The following TGM4 variants were observed in gnomAD, a reference collection of about 807,000 sequenced individuals.
TGM4 encodes the protein protein-glutamine gamma-glutamyltransferase 4.
Under a neutral mutation model 76.3 loss-of-function variants are expected in TGM4, and 61 were observed. That is an observed-to-expected ratio of 0.80 (90% CI 0.65 to 0.99). The LOEUF (loss-of-function observed/expected upper bound fraction) is 0.99, where lower values mean the gene tolerates loss of function less well. TGM4 is among the 50% of genes least tolerant of loss of function. The probability of loss-of-function intolerance (pLI) is 0.00; values close to 1 mark genes in which losing one functional copy is unlikely to be tolerated. For synonymous variants in TGM4, 337 were observed against 329.8 expected (o/e 1.02, Z -0.24); for missense variants, 794 against 843.2 (o/e 0.94, Z 0.72).
chr3:44,893,933 C>CGGCTCTCTCCCACCCTCCAT, intron 5 of TGM4, among the ~76,000 whole-genome samples: 1 of 91,936 alleles, frequency 1.1e-5, no homozygotes, highest in Non-Finnish European at 2.3e-5. Flanking sequence ...ATCCACCCCA[C>CGGCTCTCTCCCACCCTCCAT]GGCTCTCTCC....
At chr3:44,895,782 C>T (rs754588985) in intron 5 of TGM4, among the ~76,000 whole-genome samples, 1 of 152,186 alleles carries the variant, frequency 6.6e-6, no homozygotes, top group African/African-American at 2.4e-5. Context: ...ACATGTACTT[C>T]AACTCTGTAA....
rs761864216 is a variant in TGM4 at position 44,887,719 on chromosome 3, T to C, written c.224T>C (p.Leu75Pro). 5.0e-6 allele frequency: 8 copies of C among 1,614,010 alleles called. No homozygotes were observed. The highest frequency in any genetic ancestry group is 1.7e-5 in the Admixed American group (1 of 60,006). ...AATCCTAGCATCGCCAAACACACCCTGGTGGTGCTCGACCCGAGGACGCCC... is the reference window on the plus strand; with the variant it reads ...AATCCTAGCATCGCCAAACACACCCCGGTGGTGCTCGACCCGAGGACGCCC... ...GPNPSIAKHTLVVLDPRTPSD... is the reference protein window; with the variant it reads ...GPNPSIAKHTPVVLDPRTPSD... Residue 75 changes from leucine to proline, a missense_variant, in exon 3 of 14, where the codon CTG becomes CCG. Leu to Pro is a moderately conservative substitution (Grantham distance 98). Transcript: ENST00000296125.
chr3:44,901,425 A>T, intron 6 of TGM4, 99 bp from the exon 7 acceptor site: 1 of 1,377,522 alleles, frequency 7.3e-7, no homozygotes, highest in Non-Finnish European at 9.8e-7. Flanking sequence ...CTGAGACATT[A>T]TGAGGTGTCC....
chr3:44,879,048 T>C (rs1417686150), intron 1 of TGM4, among the ~76,000 whole-genome samples: 1 of 152,096 alleles, frequency 6.6e-6, no homozygotes, highest in Non-Finnish European at 1.5e-5. Flanking sequence ...AGTTCACTGA[T>C]TCTCTTTCAG....
intron 1 of TGM4, among the ~76,000 whole-genome samples, chr3:44,883,964 T>A (rs1006774429): frequency 1.3e-5 from 2 of 152,182 alleles, no homozygotes; most frequent in African/African-American, 4.8e-5. Flanking sequence ...CACCTCACTT[T>A]ACCTCACAGG....
chr3:44,906,619 A>G (rs1177300150), intron 9 of TGM4, among the ~76,000 whole-genome samples: 1 of 152,176 alleles, frequency 6.6e-6, no homozygotes, highest in African/African-American at 2.4e-5. Flanking sequence ...GCACAAGGTC[A>G]CATAGCTCCA....
chr3:44,905,253 C>T (rs372646360), intron 9 of TGM4, among the ~76,000 whole-genome samples: 14 of 151,398 alleles, frequency 9.2e-5, no homozygotes, highest in Middle Eastern at 3.5e-3. Flanking sequence ...CCCAAAGTGC[C>T]GGGATTACAG....
intron 9 of TGM4, among the ~76,000 whole-genome samples, chr3:44,906,132 C>G (rs145334880): frequency 6.6e-6 from 1 of 152,338 alleles, no homozygotes; most frequent in Non-Finnish European, 1.5e-5. Flanking sequence ...GAGACCAGTT[C>G]TCCTGAGTCC....
At chr3:44,906,037 T>C (rs1699917773) in intron 9 of TGM4, among the ~76,000 whole-genome samples, 1 of 152,196 alleles carries the variant, frequency 6.6e-6, no homozygotes, top group African/African-American at 2.4e-5. Flanking sequence ...CCTAACCTGC[T>C]CACCTTATAG....
At chr3:44,913,516 C>T in intron 13 of TGM4, 68 bp from the exon 14 acceptor site, 1 of 1,555,026 alleles carries the variant, frequency 6.4e-7, no homozygotes, top group Non-Finnish European at 8.7e-7. Context: ...TCTCACCCAA[C>T]TCATCTTCTC....
intron 13 of TGM4, 123 bp downstream of exon 13, chr3:44,911,529 G>GACCCTGTGAC: frequency 8.9e-7 from 1 of 1,123,936 alleles, no homozygotes; most frequent in Non-Finnish European, 1.2e-6. Context: ...GATACATTTT[G>GACCCTGTGAC]CTAGTGCCAA....
At chr3:44,904,062 G>A in intron 9 of TGM4, 75 bp downstream of exon 9, 1 of 1,324,702 alleles carries the variant, frequency 7.5e-7, no homozygotes, top group Non-Finnish European at 1.1e-6. Flanking sequence ...TGGGTCTTGG[G>A]TATGCAGCCA....
chr3:44,886,358 G>A (rs1699607905), intron 2 of TGM4, among the ~76,000 whole-genome samples: 1 of 152,092 alleles, frequency 6.6e-6, no homozygotes, highest in Non-Finnish European at 1.5e-5. Context: ...AATTAGATCA[G>A]GTAGATCTAC....
In TGM4 at chr3:44,911,375, G is replaced by A; in HGVS notation, c.1882G>A (p.Gly628Ser). Reference sequence around the variant, plus strand: ...CGTCAAGTTCTCTTTGGAAAGCCTGGGCATCTCCTCACTACAGACCTCTGA... The same window carrying A: ...CGTCAAGTTCTCTTTGGAAAGCCTGAGCATCTCCTCACTACAGACCTCTGA... ...TDVKFSLESLGISSLQTSDHG... is the reference protein window; with the variant it reads ...TDVKFSLESLSISSLQTSDHG... Residue 628 changes from glycine to serine, a missense_variant, in exon 13 of 14, where the codon GGC (glycine) becomes AGC (serine). Physicochemically the swap from Gly to Ser is moderately conservative, Grantham distance 56 (BLOSUM62 0). Coordinates refer to ENST00000296125, the MANE Select transcript of TGM4 (RefSeq NM_003241.4). 6.2e-7 allele frequency: 1 copy of A among 1,614,198 alleles called. No homozygotes were observed. The highest frequency in any genetic ancestry group is 8.5e-7 in the Non-Finnish European group (1 of 1,180,044).
At chr3:44,877,317 G>A (rs1699463412) in intron 1 of TGM4, among the ~76,000 whole-genome samples, 1 of 152,110 alleles carries the variant, frequency 6.6e-6, no homozygotes, top group South Asian at 2.1e-4. Flanking sequence ...GTGTGGTGGG[G>A]TACACCGGTA....
At chr3:44,886,844 G>GA (rs1383297467) in intron 2 of TGM4, among the ~76,000 whole-genome samples, 1 of 152,234 alleles carries the variant, frequency 6.6e-6, no homozygotes, top group Non-Finnish European at 1.5e-5. Flanking sequence ...GACAGGGCCA[G>GA]ATATGATGAA....
At chr3:44,890,803 G>C (rs920136670) in intron 4 of TGM4, 71 bp downstream of exon 4, 58 of 1,561,412 alleles carry the variant, frequency 3.7e-5, no homozygotes, top group Non-Finnish European at 4.7e-5. Flanking sequence ...GCAATGCATA[G>C]TCTATGAGCT....
rs377187887 is a variant in TGM4 at position 44,903,853 on chromosome 3, C to T, written c.972-31C>T. On this transcript the variant is annotated intron_variant, in intron 8 of 13. Coordinates refer to ENST00000296125, the MANE Select transcript of TGM4 (RefSeq NM_003241.4). ...TCTCTAACTAGGTTTGGGGGTGGTCCGGGGTGGGGCCCGTTCCCAATTTGC... is the reference window on the plus strand; with the variant it reads ...TCTCTAACTAGGTTTGGGGGTGGTCTGGGGTGGGGCCCGTTCCCAATTTGC... 2.7e-4 allele frequency: 427 copies of T among 1,603,656 alleles called. 1 individual carries two copies. In the African/African-American group the frequency reaches 4.6e-3, roughly 17 times the overall value.
chr3:44,913,780 C>CTT lies in TGM4; in HGVS notation c.*56_*57dup. The CTT allele has an allele frequency of 1.3e-6, 2 of 1,574,798 alleles. No homozygotes were observed. The highest frequency in any genetic ancestry group is 4.5e-5 in the East Asian group (2 of 44,546). On this transcript the variant is annotated 3_prime_UTR_variant, in exon 14 of 14. Coordinates refer to ENST00000296125, the MANE Select transcript of TGM4 (RefSeq NM_003241.4). ...AGATTTCAGCATTTCCTACCTTGTG[C>CTT]TTAGCTTTCAGATTATGGATGATTA... is the stretch of plus-strand genomic sequence containing the variant.
Sources: gnomAD v4.1 joint callset for allele counts (sites outside exome capture counted in the v4.1 genomes callset) on GRCh38, gnomAD v4.1.1 for gene constraint, MANE v1.5 for transcripts, NCBI Gene and HGNC (gene_info 2026-07-23, HGNC 2026-07-21) for gene names.